The following LRP1B variants were observed in gnomAD, a reference collection of about 807,000 sequenced individuals.
LRP1B encodes low-density lipoprotein receptor-related protein 1B.
Under a neutral mutation model 556.6 loss-of-function variants are expected in LRP1B, and 217 were observed. The ratio of observed to expected loss-of-function variants is 0.39; its 90% confidence interval spans 0.35 to 0.44. The LOEUF is 0.44. Among genes scored for constraint, LRP1B ranks in the 20% least tolerant of loss-of-function variants. LRP1B has a pLI of 1.00. For missense variants in LRP1B, 5,053 were observed against 5,620.8 expected, an observed-to-expected ratio of 0.90 and a Z score of 3.23; for synonymous variants, 2,047 against 1,865.8, an observed-to-expected ratio of 1.10 and a Z score of -2.50.
At chr2:141,889,480 AG>A (rs1699216688) in intron 1 of LRP1B, among the ~76,000 whole-genome samples, 1 of 152,180 alleles carries the variant, frequency 6.6e-6, no homozygotes. Context: ...AGATAGAACA[AG>A]GGTACAGCTC....
chr2:141,612,671 G>GTACT (rs1688146835), intron 2 of LRP1B, among the ~76,000 whole-genome samples: 1 of 152,058 alleles, frequency 6.6e-6, no homozygotes, highest in African/African-American at 2.4e-5. Flanking sequence ...TTTTCTGAAA[G>GTACT]ATTCTTCACA....
Position 141,940,004 on chromosome 2 carries a change from A to C in LRP1B, c.83-129603T>G, listed in dbSNP as rs1057178641. 8.4e-4 allele frequency among the ~76,000 whole-genome samples: 22 copies of C among 26,126 alleles called. 1 individual carries two copies. The highest frequency in any genetic ancestry group is 1.6e-3 in the Non-Finnish European group (19 of 11,598). 17.1% of individuals were successfully genotyped at this position (26,126 alleles called of 152,430 possible). On this transcript the variant is annotated intron_variant, in intron 1 of 90. Transcript: ENST00000389484. ...AATAAAAACCTAAAAGTAAGTGATA[A>C]ACATTAAATCTCAAGTCCTCAGTAT...
chr2:141,321,344 T>C (rs1045524657), intron 3 of LRP1B, among the ~76,000 whole-genome samples: 6 of 152,134 alleles, frequency 3.9e-5, no homozygotes, highest in African/African-American at 1.4e-4. Flanking sequence ...AATCAAGAGC[T>C]AAAACAATGT....
rs1030318091 is a variant in LRP1B at position 141,954,047 on chromosome 2, C to CCT, written c.83-143648_83-143647dup. Among the ~76,000 whole-genome samples the CCT allele has an allele frequency of 2.3e-3, 347 of 152,124 alleles. 3 individuals are homozygous for CCT. The highest frequency in any genetic ancestry group is 0.021 in the Admixed American group (320 of 15,258). On this transcript the variant is annotated intron_variant, in intron 1 of 90. Coordinates refer to ENST00000389484, the MANE Select transcript of LRP1B (RefSeq NM_018557.3). ...AAAACTGCCAATAATTACTTCTATA[C>CCT]CTCTCTCTCTCGGCACAAGCAATCG... is the stretch of plus-strand genomic sequence containing the variant.
intron 86 of LRP1B, among the ~76,000 whole-genome samples, chr2:140,266,177 G>T (rs929178255): frequency 1.3e-5 from 2 of 151,786 alleles, no homozygotes; most frequent in Non-Finnish European, 2.9e-5. Flanking sequence ...TTTCAGAAAA[G>T]AATCTACATT....
At chr2:140,737,884 G>A (rs1286093087) in intron 35 of LRP1B, among the ~76,000 whole-genome samples, 1 of 152,200 alleles carries the variant, frequency 6.6e-6, no homozygotes, top group Non-Finnish European at 1.5e-5. Context: ...TGCTACGCCA[G>A]ATGAGGTATC....
rs572808196 is a variant in LRP1B at position 142,100,311 on chromosome 2, T to C, written c.82+30337A>G. ...CACCAATGCTCTATGAAGTTACCAT[T>C]ACTGCAGTCAAAAATCCATTAGCGT... On this transcript the variant is annotated intron_variant, in intron 1 of 90. Transcript: ENST00000389484. Among the ~76,000 whole-genome samples the C allele has an allele frequency of 2.1e-4, 32 of 152,014 alleles. No homozygotes were observed. The South Asian group carries it at 6.6e-3, about 32-fold the overall frequency.
Position 140,700,284 on chromosome 2 carries a change from T to A in LRP1B, c.6765A>T (p.Lys2255Asn), listed in dbSNP as rs776997275. The A allele has an allele frequency of 1.9e-6, 3 of 1,612,288 alleles. No individual in the cohort carries two copies. Among genetic ancestry groups the A allele is most frequent in the Non-Finnish European group, 1.7e-6 (2 of 1,178,984 alleles). The change falls in exon 41 of 91, where the codon AAA becomes AAT. Residue 2255 changes from lysine to asparagine, a missense_variant. By Grantham distance (94) the Lys-to-Asn change is moderately conservative. Transcript: ENST00000389484. Reference sequence around the variant, plus strand: ...TTACTTGTCTGTCTTCCCAGTTGTCTTTAATAAGCTGTATATTTCCAAAGT... The same window carrying A: ...TTACTTGTCTGTCTTCCCAGTTGTCATTAATAAGCTGTATATTTCCAAAGT... ...DAHFGNIQLI[K>N]DNWEDRQVIV...
intron 27 of LRP1B, among the ~76,000 whole-genome samples, chr2:140,856,130 C>A (rs1294827057): frequency 6.6e-6 from 1 of 152,166 alleles, no homozygotes; most frequent in African/African-American, 2.4e-5. Flanking sequence ...CCTCATCTAC[C>A]ACTTTCCTTC....
chr2:141,501,900 T>G (rs1683726232), intron 2 of LRP1B, among the ~76,000 whole-genome samples: 2 of 109,320 alleles, frequency 1.8e-5, no homozygotes, highest in South Asian at 3.6e-4. Flanking sequence ...AGAAAGTGAC[T>G]GAAACAACTA....
At chr2:140,565,588 G>C (rs1681096107) in intron 43 of LRP1B, among the ~76,000 whole-genome samples, 1 of 152,000 alleles carries the variant, frequency 6.6e-6, no homozygotes, top group Admixed American at 6.6e-5. Context: ...AAGTGGCAAG[G>C]GATTCTGACA....
chr2:141,365,406 T>C (rs1402488171), intron 3 of LRP1B, among the ~76,000 whole-genome samples: 1 of 151,994 alleles, frequency 6.6e-6, no homozygotes, highest in Non-Finnish European at 1.5e-5. Flanking sequence ...TGCTGAATTT[T>C]GCTACTTGGA....
chr2:140,531,469 T>C (rs1388072013), intron 47 of LRP1B, among the ~76,000 whole-genome samples: 1 of 152,136 alleles, frequency 6.6e-6, no homozygotes, highest in Non-Finnish European at 1.5e-5. Context: ...TAAACTACAG[T>C]GTCAACCTTA....
chr2:140,975,958 T>C (rs1696583466), intron 18 of LRP1B, among the ~76,000 whole-genome samples: 1 of 152,064 alleles, frequency 6.6e-6, no homozygotes, highest in Non-Finnish European at 1.5e-5. Context: ...TGGGTCTCAC[T>C]CAGGTTGTCC....
At chr2:141,331,487 TTTCTTTCTTTCTTTCC>T (rs1687643588) in intron 3 of LRP1B, among the ~76,000 whole-genome samples, 1 of 135,796 alleles carries the variant, frequency 7.4e-6, no homozygotes, top group Non-Finnish European at 1.6e-5. Flanking sequence ...CTTTGTTTCT[TTTCTTTCTTTCTTTCC>T]TTCTTTCTTT....
chr2:140,814,670 T>A (rs977149923), intron 31 of LRP1B, among the ~76,000 whole-genome samples: 1 of 152,152 alleles, frequency 6.6e-6, no homozygotes, highest in African/African-American at 2.4e-5. Context: ...AATCCAAAAA[T>A]GGAAGATTTT....
intron 41 of LRP1B, among the ~76,000 whole-genome samples, chr2:140,657,584 TAC>T (rs1684927875): frequency 1.7e-5 from 2 of 119,218 alleles, no homozygotes; most frequent in African/African-American, 2.7e-5. Flanking sequence ...TACATATATA[TAC>T]ATACATACAT....
Position 140,537,233 on chromosome 2 carries a change from T to A in LRP1B, c.7514-524A>T, listed in dbSNP as rs1679948093. On this transcript the variant is annotated intron_variant, in intron 45 of 90. Transcript: ENST00000389484. Reference sequence around the variant, plus strand: ...ATAATATATAATAATAATATAATAATTATTATTATTGTTTTTTAAAACAGC... The same window carrying A: ...ATAATATATAATAATAATATAATAAATATTATTATTGTTTTTTAAAACAGC... 4.1e-5 allele frequency among the ~76,000 whole-genome samples: 6 copies of A among 147,952 alleles called. No homozygotes were observed. In the South Asian group the frequency reaches 1.3e-3, roughly 31 times the overall value.
chr2:140,259,416 G>A (rs1376342180), intron 86 of LRP1B, among the ~76,000 whole-genome samples: 1 of 151,958 alleles, frequency 6.6e-6, no homozygotes, highest in Non-Finnish European at 1.5e-5. Context: ...GAAAACTCAA[G>A]AAACATCATA....
Sources: allele counts gnomAD v4.1 joint callset (sites outside exome capture counted in the v4.1 genomes callset), GRCh38; gene constraint gnomAD v4.1.1; transcripts MANE v1.5; gene names NCBI Gene and HGNC (gene_info 2026-07-23, HGNC 2026-07-21).